Variants in GC observed in about 807,000 individuals in gnomAD.
GC encodes the protein GC vitamin D binding protein.
Under a neutral mutation model 56.7 loss-of-function variants are expected in GC, and 43 were observed. The observed-to-expected ratio is 0.76, with a 90% CI of 0.59 to 0.98. The LOEUF (loss-of-function observed/expected upper bound fraction) is 0.98. Among genes scored for constraint, GC ranks in the 50% least tolerant of loss-of-function variants. GC has a pLI of 0.00. For synonymous variants in GC, 216 were observed against 202.7 expected, an observed-to-expected ratio of 1.07 and a Z score of -0.56; for missense variants, 529 against 545.9, an observed-to-expected ratio of 0.97 and a Z score of 0.31.
Position 71,758,258 on chromosome 4 carries a change from A to G in GC, c.702-87T>C, listed in dbSNP as rs930028567. ...TGAACGCACTATTTGGAGAAATAAT[A>G]TCACAATTTCACCTCCTTGGCCTCA... is the stretch of plus-strand genomic sequence containing the variant. On this transcript the variant is annotated intron_variant, in intron 6 of 12. Transcript: ENST00000273951. The G allele has an allele frequency of 6.6e-6, 8 of 1,212,644 alleles. No homozygotes were observed. In the Admixed American group the frequency reaches 9.2e-5, roughly 14 times the overall value. The allele number at this position is 1,212,644 out of a possible 1,614,324, so 75.1% of individuals were successfully genotyped here.
intron 12 of GC, 50 bp from the exon 13 acceptor site, chr4:71,741,920 G>A (rs1028314356): frequency 8.5e-6 from 6 of 702,330 alleles, no homozygotes; most frequent in African/African-American, 1.7e-5. Flanking sequence ...GAGCTAATGG[G>A]CAACAACCAT....
intron 11 of GC, among the ~76,000 whole-genome samples, chr4:71,747,411 A>G (rs2149292929): frequency 6.6e-6 from 1 of 152,324 alleles, no homozygotes; most frequent in Non-Finnish European, 1.5e-5. Flanking sequence ...AGACAGGTAA[A>G]GGAAGAGGAC....
At chr4:71,795,041 G>C (rs1267215670) in intron 1 of GC, among the ~76,000 whole-genome samples, 2 of 152,102 alleles carry the variant, frequency 1.3e-5, no homozygotes, top group Non-Finnish European at 2.9e-5. Flanking sequence ...TGTGATTTCT[G>C]TTCTTTTACA....
chr4:71,798,073 C>T (rs372822514), intron 1 of GC, among the ~76,000 whole-genome samples: 25 of 152,164 alleles, frequency 1.6e-4, no homozygotes, highest in African/African-American at 5.5e-4. Flanking sequence ...AGTTCTTATT[C>T]ATTAATCTCA....
intron 1 of GC, among the ~76,000 whole-genome samples, chr4:71,791,299 G>T (rs1175930833): frequency 6.6e-6 from 1 of 151,980 alleles, no homozygotes; most frequent in Non-Finnish European, 1.5e-5. Flanking sequence ...CTATAAACAT[G>T]ATTTTTCATT....
chr4:71,747,291 TG>T (rs1741406530), intron 11 of GC, among the ~76,000 whole-genome samples: 3 of 152,086 alleles, frequency 2.0e-5, no homozygotes, highest in Admixed American at 6.6e-5. Flanking sequence ...AGATCTTGGT[TG>T]GAGGTAGAGA....
At chr4:71,769,463 A>G in intron 1 of GC, 63 bp from the exon 2 acceptor site, 1 of 1,069,116 alleles carries the variant, frequency 9.4e-7, no homozygotes, top group Non-Finnish European at 1.4e-6. Context: ...TGTTACATGT[A>G]CATGTATAAA....
chr4:71,772,684 G>T (rs1742377447), intron 1 of GC, among the ~76,000 whole-genome samples: 1 of 152,086 alleles, frequency 6.6e-6, no homozygotes, highest in African/African-American at 2.4e-5. Flanking sequence ...GGCTTAAAGA[G>T]GTTTTGAAAC....
At chr4:71,773,086 C>T (rs955002978) in intron 1 of GC, among the ~76,000 whole-genome samples, 6 of 152,016 alleles carry the variant, frequency 3.9e-5, no homozygotes, top group Admixed American at 3.3e-4. Flanking sequence ...ATTCCTGTCT[C>T]AAATGAACTG....
At chr4:71,758,291 C>A in intron 6 of GC, 120 bp from the exon 7 acceptor site, 1 of 772,468 alleles carries the variant, frequency 1.3e-6, no homozygotes, top group South Asian at 1.7e-5. Flanking sequence ...TCAAGAGATG[C>A]ATGGGAGCAC....
intron 1 of GC, among the ~76,000 whole-genome samples, chr4:71,779,455 T>C (rs1466729634): frequency 6.6e-6 from 1 of 151,824 alleles, no homozygotes; most frequent in African/African-American, 2.4e-5. Flanking sequence ...ACAATCAATG[T>C]TCTAGGAATA....
chr4:71,744,215 G>A (rs954512923), intron 12 of GC, among the ~76,000 whole-genome samples: 22 of 151,352 alleles, frequency 1.5e-4, no homozygotes, highest in African/African-American at 5.1e-4. Context: ...GGCCGAGGCG[G>A]GCGGATCACG....
At chr4:71,767,548 A>G (rs1318081744) in intron 3 of GC, among the ~76,000 whole-genome samples, 3 of 151,306 alleles carry the variant, frequency 2.0e-5, no homozygotes, top group Admixed American at 6.6e-5. Context: ...GGATAAAGCT[A>G]TGATCAGGTT....
At chr4:71,798,732 T>C (rs1560716763) in intron 1 of GC, among the ~76,000 whole-genome samples, 1 of 152,210 alleles carries the variant, frequency 6.6e-6, no homozygotes, top group Non-Finnish European at 1.5e-5. Context: ...GTCTAGTCTT[T>C]CCAGAGTCTT....
intron 6 of GC, among the ~76,000 whole-genome samples, chr4:71,762,689 A>T (rs1407839596): frequency 1.3e-5 from 2 of 152,136 alleles, no homozygotes; most frequent in Non-Finnish European, 2.9e-5. Context: ...TGCTGTTCTC[A>T]TGATAGTGAA....
In GC at chr4:71,752,514, C is replaced by A. The variant is rs753680665; in HGVS notation, c.1395+4G>T. The A allele has an allele frequency of 2.2e-5, 35 of 1,608,406 alleles. No homozygotes were observed. The South Asian group carries it at 3.8e-4, about 17-fold the overall frequency. On this transcript the variant is annotated splice_donor_region_variant and intron_variant, in intron 11 of 12. Coordinates refer to ENST00000273951, the MANE Select transcript of GC (RefSeq NM_000583.4). The stretch of plus-strand genomic sequence containing the variant: ...ATGTTAAGTGGAGGGTTACATTTTC[C>A]TACCTCTGAATCACAGTAAAGAGGA...
intron 3 of GC, among the ~76,000 whole-genome samples, chr4:71,765,951 G>A (rs3737549): frequency 0.059 from 8,998 of 152,134 alleles, 706 homozygotes; most frequent in African/African-American, 0.17. Context: ...GTGTTCCTCC[G>A]TGGGGATATT....
In GC at chr4:71,754,464, TC is replaced by T; in HGVS notation, c.1208del (p.Gly403AspfsTer24). The part of the protein sequence containing the change: ...KKELSSFIDK[G>X]QELCADYSEN... ...CTGAATAATCTGCACATAGTTCTTG[TC>T]CCTTGTCAATGAAAGAAGATAGTTC... On this transcript the variant is annotated frameshift_variant, in exon 10 of 13. Coordinates refer to ENST00000273951, the MANE Select transcript of GC (RefSeq NM_000583.4). LOFTEE classifies it high-confidence loss of function. The T allele has an allele frequency of 6.3e-7, 1 of 1,594,104 alleles. No homozygotes were observed. The highest frequency in any genetic ancestry group is 8.6e-7 in the Non-Finnish European group (1 of 1,162,658).
chr4:71,784,173 A>C, upstream of GC: 1 of 1,328,314 alleles, frequency 7.5e-7, no homozygotes, highest in Non-Finnish European at 9.7e-7. Context: ...ATTATTAAAC[A>C]CAGAAGCAAG....
Sources: gnomAD v4.1 joint callset for allele counts (sites outside exome capture counted in the v4.1 genomes callset) on GRCh38, gnomAD v4.1.1 for gene constraint, MANE v1.5 for transcripts, NCBI Gene and HGNC (gene_info 2026-07-23, HGNC 2026-07-21) for gene names.